Variants in LRRC1 observed in about 807,000 individuals in gnomAD.
LRRC1 encodes the protein leucine rich repeat containing 1.
LRRC1 carries 28 observed loss-of-function variants against 69.9 expected under a neutral mutation model. The observed-to-expected ratio is 0.40, with a 90% confidence interval of 0.30 to 0.55. The LOEUF (loss-of-function observed/expected upper bound fraction) is 0.55, where lower values mean the gene tolerates loss of function less well. Ranked by LOEUF, LRRC1 falls within the 20% of genes least tolerant of loss-of-function variation. The pLI is 0.47. For synonymous variants in LRRC1, 236 were observed against 240.2 expected (o/e 0.98, Z 0.16); for missense variants, 498 against 609.0 (o/e 0.82, Z 1.92).
At chr6:53,797,522 G>A (rs887474243) in intron 1 of LRRC1, among the ~76,000 whole-genome samples, 1 of 152,006 alleles carries the variant, frequency 6.6e-6, no homozygotes, top group African/African-American at 2.4e-5. Context: ...TATTACCACT[G>A]GTCTCTGCTG....
chr6:53,922,621 C>T lies in LRRC1; in HGVS notation c.1417-14C>T, dbSNP rs772023535. 1.6e-4 allele frequency: 252 copies of T among 1,600,354 alleles called. No individual in the cohort carries two copies. The highest frequency in any genetic ancestry group is 2.1e-4 in the Non-Finnish European group (248 of 1,171,360). On this transcript the variant is annotated splice_polypyrimidine_tract_variant and intron_variant, in intron 13 of 13. Transcript: ENST00000370888. ...GAATAAAACCAAAACACTCACTCCA[C>T]TGTTTGTTTTTAGAGAACACTTCTA...
At chr6:53,815,506 A>G (rs377200295) in intron 1 of LRRC1, among the ~76,000 whole-genome samples, 3 of 152,208 alleles carry the variant, frequency 2.0e-5, no homozygotes, top group African/African-American at 7.2e-5. Flanking sequence ...GCATATGCAC[A>G]CACAGTGAGC....
intron 2 of LRRC1, among the ~76,000 whole-genome samples, chr6:53,849,163 A>C (rs906643257): frequency 6.6e-6 from 1 of 150,738 alleles, no homozygotes; most frequent in Admixed American, 6.6e-5. Flanking sequence ...TTCTTCATTC[A>C]GTTACAGGTT....
chr6:53,885,549 C>T (rs1157984424), intron 4 of LRRC1, among the ~76,000 whole-genome samples: 6 of 152,174 alleles, frequency 3.9e-5, no homozygotes, highest in African/African-American at 1.4e-4. Context: ...ACATAAATTA[C>T]CTCTGCTTAT....
chr6:53,873,179 A>G (rs1209231864), intron 2 of LRRC1, among the ~76,000 whole-genome samples: 3 of 151,914 alleles, frequency 2.0e-5, no homozygotes, highest in Non-Finnish European at 2.9e-5. Context: ...ATTTGGTTAA[A>G]TTTATTCTTA....
chr6:53,908,193 A>T (rs1043491118), intron 10 of LRRC1, among the ~76,000 whole-genome samples: 3 of 152,186 alleles, frequency 2.0e-5, no homozygotes, highest in African/African-American at 7.2e-5. Context: ...CAGACCATAA[A>T]GAGTTTTTGG....
At chr6:53,860,164 A>C (rs1276106995) in intron 2 of LRRC1, among the ~76,000 whole-genome samples, 2 of 152,224 alleles carry the variant, frequency 1.3e-5, no homozygotes, top group Admixed American at 1.3e-4. Flanking sequence ...CTCAGTCTTG[A>C]ATTTTCTATA....
intron 2 of LRRC1, among the ~76,000 whole-genome samples, chr6:53,849,923 C>T (rs184562458): frequency 1.3e-5 from 2 of 152,196 alleles, no homozygotes; most frequent in East Asian, 1.9e-4. Flanking sequence ...TGCCACTGTA[C>T]TCCAGACTGG....
chr6:53,858,441 C>G (rs1026923296), intron 2 of LRRC1, among the ~76,000 whole-genome samples: 2 of 152,074 alleles, frequency 1.3e-5, no homozygotes, highest in African/African-American at 4.8e-5. Flanking sequence ...ACCCTCTCCC[C>G]CTCTGTGTTA....
intron 3 of LRRC1, among the ~76,000 whole-genome samples, chr6:53,880,935 T>C (rs894989318): frequency 3.3e-5 from 5 of 152,242 alleles, no homozygotes; most frequent in African/African-American, 1.2e-4. Context: ...GGGTTTTTTT[T>C]AACCATTCAG....
chr6:53,873,198 A>G (rs897642801), intron 2 of LRRC1, among the ~76,000 whole-genome samples: 8 of 149,102 alleles, frequency 5.4e-5, no homozygotes, highest in Non-Finnish European at 1.2e-4. Flanking sequence ...TAGGCATTTT[A>G]TTTTTTGTAG....
intron 1 of LRRC1, among the ~76,000 whole-genome samples, chr6:53,805,559 C>T (rs1202911442): frequency 6.6e-6 from 1 of 152,134 alleles, no homozygotes; most frequent in African/African-American, 2.4e-5. Context: ...GGAGATTGTC[C>T]TCTTCATGGT....
intron 2 of LRRC1, among the ~76,000 whole-genome samples, chr6:53,871,840 G>C (rs546919224): frequency 6.6e-6 from 1 of 152,036 alleles, no homozygotes; most frequent in East Asian, 1.9e-4. Flanking sequence ...GCTAATTTTT[G>C]TATTTTTAGT....
intron 6 of LRRC1, among the ~76,000 whole-genome samples, 180 bp downstream of exon 6, chr6:53,897,072 C>T (rs1001118415): frequency 6.6e-6 from 1 of 152,024 alleles, no homozygotes; most frequent in Non-Finnish European, 1.5e-5. Context: ...TGGGGGAGGT[C>T]AGGACTAGAG....
At chr6:53,823,858 A>G (rs895127793) in intron 1 of LRRC1, among the ~76,000 whole-genome samples, 1 of 152,188 alleles carries the variant, frequency 6.6e-6, no homozygotes, top group Non-Finnish European at 1.5e-5. Context: ...TCCATGCTGT[A>G]TATATACCAC....
chr6:53,821,277 T>G (rs1765108153), intron 1 of LRRC1, among the ~76,000 whole-genome samples: 1 of 152,234 alleles, frequency 6.6e-6, no homozygotes, highest in South Asian at 2.1e-4. Context: ...AGGACAGAGC[T>G]GCATATGACT....
chr6:53,866,228 T>C (rs1206214925), intron 2 of LRRC1, among the ~76,000 whole-genome samples: 1 of 152,174 alleles, frequency 6.6e-6, no homozygotes, highest in African/African-American at 2.4e-5. Context: ...TTGCATACTT[T>C]ACCAAGTTAT....
rs985278831 is a variant in LRRC1 at position 53,855,493 on chromosome 6, C to T, written c.277+13266C>T. Among the ~76,000 whole-genome samples, 4 of 152,298 alleles carry T rather than the reference C, an allele frequency of 2.6e-5. No homozygotes were observed. The East Asian group carries it at 7.7e-4, about 29-fold the overall frequency. On this transcript the variant is annotated intron_variant, in intron 2 of 13. Transcript: ENST00000370888. ...GTAACACCAGAGAGGCTGAGGAGGA[C>T]TGAAGTCTCTCTGCAGAGGCCGAAA...
Position 53,854,806 on chromosome 6 carries a change from A to G in LRRC1, c.277+12579A>G, listed in dbSNP as rs145040629. Among the ~76,000 whole-genome samples, 330 of 152,336 alleles carry G rather than the reference A, an allele frequency of 2.2e-3. 2 individuals carry two copies. Among genetic ancestry groups the G allele is most frequent in the African/African-American group, 7.6e-3 (314 of 41,584 alleles). On this transcript the variant is annotated intron_variant, in intron 2 of 13. Coordinates refer to ENST00000370888, the MANE Select transcript of LRRC1 (RefSeq NM_018214.5). ...AAAATTGGGATCATTTAACAAATAG[A>G]TATTCCTATCTTGCTTTTTATTCAC...
Sources: gnomAD v4.1 joint callset for allele counts (sites outside exome capture counted in the v4.1 genomes callset) on GRCh38, gnomAD v4.1.1 for gene constraint, MANE v1.5 for transcripts, NCBI Gene and HGNC (gene_info 2026-07-23, HGNC 2026-07-21) for gene names.